Variants in MAGI2 observed in about 807,000 individuals in gnomAD.
The protein encoded by MAGI2 is membrane associated guanylate kinase, WW and PDZ domain containing 2.
A neutral mutation model predicts 133.3 loss-of-function variants in MAGI2; 35 were observed. The observed-to-expected ratio is 0.26, with a 90% CI of 0.20 to 0.35. The LOEUF is 0.35. Ranked by LOEUF, MAGI2 falls within the 10% of genes least tolerant of loss-of-function variation. The pLI is 1.00. For synonymous variants in MAGI2, 729 were observed against 710.6 expected (o/e 1.03, Z -0.41); for missense variants, 1,636 against 1,863.4 (o/e 0.88, Z 2.25).
intron 1 of MAGI2, among the ~76,000 whole-genome samples, chr7:79,280,332 G>A (rs185973702): frequency 1.5e-4 from 23 of 152,070 alleles, no homozygotes; most frequent in Admixed American, 1.4e-3. Context: ...GGAAGTGTGT[G>A]AGTTGGAAGA....
chr7:78,820,502 T>C (rs1790004821), intron 2 of MAGI2, among the ~76,000 whole-genome samples: 1 of 151,910 alleles, frequency 6.6e-6, no homozygotes, highest in South Asian at 2.1e-4. Flanking sequence ...GTTATTGTAC[T>C]AGTAATTTTT....
rs60580466 is a variant in MAGI2 at position 78,853,332 on chromosome 7, CTTTTTTTTTTTTTTTTTTTTTTTT to C, written c.418+153734_418+153757del. On this transcript the variant is annotated intron_variant, in intron 2 of 21. Transcript: ENST00000354212. ...CTCATATTACTCTTGTCCATTCGTT[CTTTTTTTTTTTTTTTTTTTTTTTT>C]TTTTTTTTTTTTTTTTTGAGACAGA... Among the ~76,000 whole-genome samples the C allele has an allele frequency of 1.4e-3, 36 of 25,076 alleles. No individual in the cohort carries two copies. The East Asian group carries it at 0.027, about 19-fold the overall frequency. The allele number at this position is 25,076 out of a possible 152,430, so 16.5% of individuals were successfully genotyped here. A position where few individuals can be genotyped will look rare whatever the true frequency, so the allele number is the denominator to read the frequency against.
chr7:79,302,600 T>C (rs10264340), intron 1 of MAGI2, among the ~76,000 whole-genome samples: 57,389 of 151,890 alleles, frequency 0.38, 12,005 homozygotes, highest in African/African-American at 0.54. Context: ...TCAGTTGAGC[T>C]TTCCACAGGA....
intron 1 of MAGI2, among the ~76,000 whole-genome samples, chr7:79,224,550 G>A (rs1045597981): frequency 5.9e-5 from 9 of 151,926 alleles, no homozygotes; most frequent in Non-Finnish European, 1.3e-4. Flanking sequence ...AATAATCTAA[G>A]AAACTGGAAA....
intron 2 of MAGI2, among the ~76,000 whole-genome samples, chr7:78,747,362 A>T (rs1271494668): frequency 6.6e-6 from 1 of 152,152 alleles, no homozygotes; most frequent in South Asian, 2.1e-4. Context: ...TAAGAAATGC[A>T]TTATTTGAAT....
chr7:79,406,210 T>C (rs143329418), intron 1 of MAGI2, among the ~76,000 whole-genome samples: 3,642 of 152,054 alleles, frequency 0.024, 58 homozygotes, highest in Non-Finnish European at 0.032. Context: ...AAAGTACAAA[T>C]AGGAGACTGC....
chr7:78,388,746 A>AT (rs894743446), intron 6 of MAGI2, among the ~76,000 whole-genome samples: 13 of 152,158 alleles, frequency 8.5e-5, no homozygotes, highest in Non-Finnish European at 1.9e-4. Flanking sequence ...TTCTGATTAT[A>AT]TTTTCTATTT....
intron 5 of MAGI2, among the ~76,000 whole-genome samples, chr7:78,498,009 C>T (rs1794280123): frequency 6.6e-6 from 1 of 151,970 alleles, no homozygotes; most frequent in African/African-American, 2.4e-5. Flanking sequence ...CTTTCTTTTC[C>T]CTCTGGTTTA....
At chr7:79,178,615 G>A (rs1178925460) in intron 1 of MAGI2, among the ~76,000 whole-genome samples, 1 of 151,580 alleles carries the variant, frequency 6.6e-6, no homozygotes, top group African/African-American at 2.4e-5. Flanking sequence ...AGGAGGCTGA[G>A]ACAGGAGAAT....
chr7:78,382,350 CAA>C (rs57298881), intron 6 of MAGI2, among the ~76,000 whole-genome samples: 5 of 123,990 alleles, frequency 4.0e-5, no homozygotes, highest in East Asian at 4.0e-4. Context: ...CTCTCTTATT[CAA>C]AAAAAAAATG....
intron 10 of MAGI2, among the ~76,000 whole-genome samples, chr7:78,209,308 C>G (rs540381665): frequency 2.2e-3 from 282 of 129,372 alleles, no homozygotes; most frequent in African/African-American, 7.1e-3. Flanking sequence ...GTTGCCCAGG[C>G]TGGAGAGCAG....
intron 6 of MAGI2, among the ~76,000 whole-genome samples, chr7:78,430,789 G>A (rs1799719329): frequency 1.3e-5 from 2 of 152,024 alleles, no homozygotes; most frequent in Admixed American, 6.6e-5. Context: ...AGGCCTTCGA[G>A]TTTGCTGTGA....
chr7:79,011,209 G>A (rs1808053969), intron 1 of MAGI2: 1 of 152,148 alleles, frequency 6.6e-6, no homozygotes, highest in African/African-American at 2.4e-5. Context: ...AAACTGGGCT[G>A]CATTTCTAAG....
intron 1 of MAGI2, among the ~76,000 whole-genome samples, chr7:79,334,052 C>A (rs1840265425): frequency 6.6e-6 from 1 of 152,156 alleles, no homozygotes. Flanking sequence ...ATTCACCCAG[C>A]AACCCATCCG....
At chr7:79,065,451 C>T (rs2117104325) in intron 1 of MAGI2, among the ~76,000 whole-genome samples, 1 of 152,114 alleles carries the variant, frequency 6.6e-6, no homozygotes, top group South Asian at 2.1e-4. Context: ...CATATTTTTC[C>T]TTGTTGGTTC....
intron 2 of MAGI2, among the ~76,000 whole-genome samples, chr7:78,676,648 T>C (rs1167297243): frequency 1.3e-5 from 2 of 152,136 alleles, no homozygotes; most frequent in Non-Finnish European, 2.9e-5. Flanking sequence ...CTGTATTTGT[T>C]ACATTTTTGA....
At chr7:78,886,796 T>C (rs1358910363) in intron 2 of MAGI2, among the ~76,000 whole-genome samples, 2 of 152,214 alleles carry the variant, frequency 1.3e-5, no homozygotes, top group East Asian at 3.8e-4. Context: ...CTCTCAATTA[T>C]ATGTTTCTAA....
At chr7:78,637,675 T>C (rs111948477) in intron 2 of MAGI2, among the ~76,000 whole-genome samples, 6,932 of 152,304 alleles carry the variant, frequency 0.046, 215 homozygotes, top group East Asian at 0.082. Flanking sequence ...TTAGTACTCA[T>C]AAAGCTCTCT....
intron 2 of MAGI2, among the ~76,000 whole-genome samples, chr7:78,828,868 T>C (rs1280091118): frequency 6.6e-6 from 1 of 152,178 alleles, no homozygotes; most frequent in Non-Finnish European, 1.5e-5. Flanking sequence ...AAGTAATTTC[T>C]AGTAACAATA....
Sources: gnomAD v4.1 joint callset for allele counts (sites outside exome capture counted in the v4.1 genomes callset) on GRCh38, gnomAD v4.1.1 for gene constraint, MANE v1.5 for transcripts, NCBI Gene and HGNC (gene_info 2026-07-23, HGNC 2026-07-21) for gene names.